The following CLCN1 variants were observed in gnomAD, a reference collection of about 807,000 sequenced individuals.
CLCN1 encodes chloride voltage-gated channel 1, also known as chloride channel protein 1.
CLCN1 carries 100 observed loss-of-function variants against 114.5 expected under a neutral mutation model. The observed-to-expected ratio is 0.87, with a 90% CI of 0.74 to 1.03. The LOEUF (loss-of-function observed/expected upper bound fraction) is 1.03, where lower values mean the gene tolerates loss of function less well. Among genes scored for constraint, CLCN1 ranks in the 50% least tolerant of loss-of-function variants. The pLI is 0.00. For missense variants in CLCN1, 1,188 were observed against 1,250.0 expected, an observed-to-expected ratio of 0.95 and a Z score of 0.75; for synonymous variants, 485 against 487.1, an observed-to-expected ratio of 1.00 and a Z score of 0.06.
At chr7:143,344,539 G>T (rs914570661) in intron 16 of CLCN1, among the ~76,000 whole-genome samples, 1 of 152,100 alleles carries the variant, frequency 6.6e-6, no homozygotes, top group African/African-American at 2.4e-5. Context: ...TACAGCAGAG[G>T]CTCTTTATTA....
At chr7:143,323,547 C>G (rs994049905) in intron 6 of CLCN1, 161 bp downstream of exon 6, 9 of 714,548 alleles carry the variant, frequency 1.3e-5, no homozygotes, top group African/African-American at 1.2e-4. Context: ...GTCTGCCTAC[C>G]CTGGCCACGT....
chr7:143,319,216 A>T (rs1193382435), intron 1 of CLCN1, among the ~76,000 whole-genome samples: 1 of 152,096 alleles, frequency 6.6e-6, no homozygotes, highest in East Asian at 1.9e-4. Context: ...GCACTGGGAG[A>T]TGAAGTGGAT....
rs1360822210 is a variant in CLCN1, at chr7:143,321,772, T to G, written c.620T>G (p.Leu207Arg). The G allele has an allele frequency of 1.9e-6, 3 of 1,614,174 alleles. 1 individual carries two copies. In the South Asian group the frequency reaches 3.3e-5, roughly 18 times the overall value. ...CGTGGGGTTGTCCTGAAGGAATACC[T>G]CACAATGAAAGCCTTTGTGGCCAAG... ...ILRGVVLKEY[L>R]TMKAFVAKVV... Residue 207 changes from leucine (L) to arginine (R), a missense_variant, in exon 5 of 23, where the codon CTC (leucine) becomes CGC (arginine). Coordinates refer to ENST00000343257, the MANE Select transcript of CLCN1 (RefSeq NM_000083.3). This position sits in a 1 kb window ranked among gnomAD's most constrained non-coding sequence, Gnocchi z 4.2.
intron 17 of CLCN1, 107 bp from the exon 18 acceptor site, chr7:143,346,033 G>C: frequency 1.1e-6 from 1 of 869,620 alleles, no homozygotes; most frequent in Non-Finnish European, 1.9e-6. Context: ...TCTGAACTGG[G>C]GGGAAGAATA....
At position 143,350,433 on chromosome 7, in the gene CLCN1, A is replaced by G; in HGVS notation, c.2465A>G (p.Asp822Gly). 1.9e-6 allele frequency: 3 copies of G among 1,614,130 alleles called. No individual in the cohort carries two copies. The highest frequency in any genetic ancestry group is 2.5e-6 in the Non-Finnish European group (3 of 1,180,000). ...QPVCFDSCCIDQSPFQLVEQT... is the reference protein window; with the variant it reads ...QPVCFDSCCIGQSPFQLVEQT... ...GTCTGTTTTGATTCCTGCTGTATTG[A>G]CCAGTCTCCCTTCCAGCTGGTGGAG... The change falls in exon 21 of 23, where the codon GAC becomes GGC. Residue 822 changes from aspartate to glycine, a missense_variant. Asp to Gly is a moderately conservative substitution (Grantham distance 94). Coordinates refer to ENST00000343257, the MANE Select transcript of CLCN1 (RefSeq NM_000083.3). This position sits in a 1 kb window ranked among gnomAD's most constrained non-coding sequence, Gnocchi z 5.1.
chr7:143,351,585 G>A lies in CLCN1; in HGVS notation c.2596-9G>A. The A allele has an allele frequency of 6.2e-7, 1 of 1,613,412 alleles. No individual in the cohort carries two copies. The highest frequency in any genetic ancestry group is 1.1e-5 in the South Asian group (1 of 91,070). On this transcript the variant is annotated splice_polypyrimidine_tract_variant and intron_variant, in intron 22 of 22. Coordinates refer to ENST00000343257, the MANE Select transcript of CLCN1 (RefSeq NM_000083.3). ...TTTTACCCTCTTTTCCTTTCCCACT[G>A]CTCTTCAGCTACAGAAGGCCATTGA... is the stretch of plus-strand genomic sequence containing the variant.
Position 143,343,163 on chromosome 7 carries a change from A to C in CLCN1, c.1930+658A>C, listed in dbSNP as rs138044473. The stretch of plus-strand genomic sequence containing the variant: ...ATTTCACAGATATTGTGGATTAATT[A>C]ATATTGAACTTGTGCCAACAGCACT... On this transcript the variant is annotated intron_variant, in intron 16 of 22. Coordinates refer to ENST00000343257, the MANE Select transcript of CLCN1 (RefSeq NM_000083.3). 4.9e-4 allele frequency among the ~76,000 whole-genome samples: 74 copies of C among 152,314 alleles called. No homozygotes were observed. In the East Asian group the frequency reaches 0.014, roughly 29 times the overall value.
chr7:143,319,902 T>A lies in CLCN1; in HGVS notation c.301+27T>A, dbSNP rs6948526. ...TGATGGGGACTGAGGAATAAAGAAA[T>A]CTGGAGTAGAAACAGGTACAGGGAT... On this transcript the variant is annotated intron_variant, in intron 2 of 22. Transcript: ENST00000343257. 157,617 of 1,611,636 alleles carry A rather than the reference T, an allele frequency of 0.098. 9,807 individuals carry two copies. The highest frequency in any genetic ancestry group is 0.3 in the African/African-American group (22,737 of 74,824).
In CLCN1 at chr7:143,351,746, C is replaced by T; in HGVS notation, c.2748C>T (p.Ala916=). ...NWNLPEDRPG[A]TGTGDVIAAS... ...ACCTGCCTGAGGACAGGCCTGGGGC[C>T]ACTGGAACAGGGGATGTGATTGCTG... Residue 916 remains alanine (A), a synonymous_variant, in exon 23 of 23, where the codon GCC becomes GCT. Coordinates refer to ENST00000343257, the MANE Select transcript of CLCN1 (RefSeq NM_000083.3). The T allele has an allele frequency of 6.2e-7, 1 of 1,614,194 alleles. No homozygotes were observed. Among genetic ancestry groups the T allele is most frequent in the Non-Finnish European group, 8.5e-7 (1 of 1,180,036 alleles).
Position 143,321,986 on chromosome 7 carries a change from G to C in CLCN1, c.696+138G>C. On this transcript the variant is annotated intron_variant, in intron 5 of 22. Transcript: ENST00000343257. The surrounding 1 kb of genome is among the most constrained non-coding windows in gnomAD (Gnocchi z 4.2). ...CCAGGGCCAGGGGACACTAGGAAGG[G>C]GAAATGCTTTGGAAGTTCCTCCAAC... 1.0e-6 allele frequency: 1 copy of C among 993,534 alleles called. No homozygotes were observed. The highest frequency in any genetic ancestry group is 1.6e-5 in the African/African-American group (1 of 61,410). 61.5% of individuals were successfully genotyped at this position (993,534 alleles called of 1,614,324 possible).
intron 1 of CLCN1, among the ~76,000 whole-genome samples, chr7:143,317,411 G>A (rs962708386): frequency 6.6e-6 from 1 of 151,922 alleles, no homozygotes; most frequent in Non-Finnish European, 1.5e-5. Flanking sequence ...ACCATACCTG[G>A]CAAATTTTTG....
chr7:143,327,319 T>G (rs4565377), intron 7 of CLCN1, among the ~76,000 whole-genome samples: 130,259 of 151,850 alleles, frequency 0.86, 56,645 homozygotes, highest in Admixed American at 0.94. Flanking sequence ...CCAAAATGTG[T>G]CTCTAATGCA....
Position 143,351,888 on chromosome 7 carries a change from G to A in CLCN1, c.2890G>A (p.Glu964Lys). Residue 964 changes from glutamate (E) to lysine (K), a missense_variant, in exon 23 of 23, where the codon GAG becomes AAG. Transcript: ENST00000343257. ...LELVESPGLE[E>K]ELADILQGPS... ...GCTGGTGGAGAGTCCAGGGCTGGAAGAGGAGCTGGCCGACATCTTGCAGGG... is the reference window on the plus strand; with the variant it reads ...GCTGGTGGAGAGTCCAGGGCTGGAAAAGGAGCTGGCCGACATCTTGCAGGG... 1.2e-6 allele frequency: 2 copies of A among 1,614,138 alleles called. No homozygotes were observed. Among genetic ancestry groups the A allele is most frequent in the Non-Finnish European group, 1.7e-6 (2 of 1,180,016 alleles).
intron 12 of CLCN1, among the ~76,000 whole-genome samples, chr7:143,336,124 A>C (rs1365312102): frequency 1.3e-5 from 2 of 152,122 alleles, no homozygotes; most frequent in Admixed American, 1.3e-4. Context: ...ATTGTTACCT[A>C]GTATCACTAA....
intron 7 of CLCN1, among the ~76,000 whole-genome samples, chr7:143,328,029 T>C (rs1007506445): frequency 2.0e-5 from 3 of 152,194 alleles, no homozygotes; most frequent in South Asian, 2.1e-4. Flanking sequence ...ACAAGGGCAA[T>C]TGGGTCGATA....
intron 1 of CLCN1, among the ~76,000 whole-genome samples, chr7:143,319,183 C>G (rs1802363772): frequency 6.6e-6 from 1 of 152,176 alleles, no homozygotes; most frequent in East Asian, 1.9e-4. Flanking sequence ...CCTTTTCGGG[C>G]TAGTTCTTGT....
Position 143,350,299 on chromosome 7 carries a change from TG to T in CLCN1, c.2404-69del. ...CTGGGCAGCGGCTAGGAGGGCCGTT[TG>T]GGGTCAAAATCAGGTATCTGGGGTG... On this transcript the variant is annotated intron_variant, in intron 20 of 22. Transcript: ENST00000343257. This position sits in a 1 kb window ranked among gnomAD's most constrained non-coding sequence, Gnocchi z 5.1. The T allele has an allele frequency of 2.5e-6, 3 of 1,209,986 alleles. No homozygotes were observed. The highest frequency in any genetic ancestry group is 3.6e-6 in the Non-Finnish European group (3 of 826,954). The allele number at this position is 1,209,986 out of a possible 1,614,324, so 75.0% of individuals were successfully genotyped here. A position where few individuals can be genotyped will look rare whatever the true frequency, so the allele number is the denominator to read the frequency against.
At position 143,332,776 on chromosome 7, in the gene CLCN1, AAC is replaced by A. The variant is rs757736760; in HGVS notation, c.1307_1308del (p.His436ArgfsTer3). ...TTGTTTGACAACAATACATGGGTGAAACACGCGGGTGATCCTGAGAGCCTGGG... is the reference window on the plus strand; with the variant it reads ...TTGTTTGACAACAATACATGGGTGAAACGCGGGTGATCCTGAGAGCCTGGG... On this transcript the variant is annotated frameshift_variant, in exon 12 of 23. Transcript: ENST00000343257. LOFTEE classifies it high-confidence loss of function. The A allele has an allele frequency of 1.2e-6, 2 of 1,614,198 alleles. No homozygotes were observed. The highest frequency in any genetic ancestry group is 2.2e-5 in the East Asian group (1 of 44,884).
At chr7:143,331,524 T>A (rs1236156848) in intron 9 of CLCN1, 27 bp from the exon 10 acceptor site, 2 of 1,512,566 alleles carry the variant, frequency 1.3e-6, no homozygotes, top group Middle Eastern at 1.7e-4. Flanking sequence ...GTCTGTAAGA[T>A]TCCAACTCTA....
Sources: gnomAD v4.1 joint callset for allele counts (sites outside exome capture counted in the v4.1 genomes callset) on GRCh38, gnomAD v4.1.1 for gene constraint, Gnocchi (gnomAD v3.1) non-coding constraint, MANE v1.5 for transcripts, NCBI Gene and HGNC (gene_info 2026-07-23, HGNC 2026-07-21) for gene names.